The following ATG10 variants were observed in gnomAD, a reference collection of about 807,000 sequenced individuals.
The protein encoded by ATG10 is ubiquitin-like-conjugating enzyme ATG10.
Under a neutral mutation model 32.1 loss-of-function variants are expected in ATG10, and 30 were observed. The observed-to-expected ratio is 0.94, with a 90% CI of 0.70 to 1.27. ATG10 has a LOEUF of 1.27. ATG10 is among the 50% of genes most tolerant of loss of function. The probability of loss-of-function intolerance (pLI) is 0.00; values close to 1 mark genes in which losing one functional copy is unlikely to be tolerated. For missense variants in ATG10, 233 were observed against 262.3 expected (o/e 0.89, Z 0.77); for synonymous variants, 87 against 91.5 (o/e 0.95, Z 0.28).
intron 2 of ATG10, among the ~76,000 whole-genome samples, chr5:82,020,011 A>C (rs1301985696): frequency 6.6e-6 from 1 of 152,212 alleles, no homozygotes; most frequent in Admixed American, 6.5e-5. Context: ...GTCTCCCTGC[A>C]GGCGCCTCTG....
At chr5:82,217,071 G>A (rs867958423) in intron 5 of ATG10, among the ~76,000 whole-genome samples, 2 of 151,084 alleles carry the variant, frequency 1.3e-5, no homozygotes, top group African/African-American at 4.9e-5. Context: ...AAAAAATGAC[G>A]ATGGTAGCAA....
intron 5 of ATG10, among the ~76,000 whole-genome samples, chr5:82,220,849 C>T (rs1745897753): frequency 6.6e-6 from 1 of 151,698 alleles, no homozygotes; most frequent in African/African-American, 2.4e-5. Context: ...GCGACCTCTG[C>T]CTCCTGGATT....
chr5:82,056,521 G>C (rs1181819561), intron 2 of ATG10, among the ~76,000 whole-genome samples: 1 of 147,906 alleles, frequency 6.8e-6, no homozygotes, highest in African/African-American at 2.5e-5. Context: ...ACCAAATCCT[G>C]AATTTCATCC....
In ATG10 at chr5:82,084,081, G is replaced by T. The variant is rs1764581257; in HGVS notation, c.216+25479G>T. 2.0e-5 allele frequency among the ~76,000 whole-genome samples: 3 copies of T among 151,970 alleles called. No homozygotes were observed. The South Asian group carries it at 6.2e-4, about 31-fold the overall frequency. ...CCCATCACAAAGAAGCTAAAAACCT[G>T]GAAAAAAGATTAGACGAATGGCTAA... On this transcript the variant is annotated intron_variant, in intron 3 of 7. Coordinates refer to ENST00000282185, the MANE Select transcript of ATG10 (RefSeq NM_031482.5).
chr5:82,233,423 C>T (rs981873358), intron 5 of ATG10, among the ~76,000 whole-genome samples: 6 of 152,212 alleles, frequency 3.9e-5, no homozygotes, highest in Non-Finnish European at 7.3e-5. Context: ...CTGATTATCC[C>T]AGGAATATAT....
At chr5:82,023,988 C>T (rs539064015) in intron 2 of ATG10, among the ~76,000 whole-genome samples, 5 of 152,276 alleles carry the variant, frequency 3.3e-5, no homozygotes, top group Admixed American at 2.6e-4. Flanking sequence ...AGTGCATGTG[C>T]ATTTAAATGG....
At chr5:81,989,208 G>C (rs145703531) in intron 2 of ATG10, among the ~76,000 whole-genome samples, 2,579 of 152,280 alleles carry the variant, frequency 0.017, 31 homozygotes, top group Middle Eastern at 0.031. Context: ...CATTTTACCC[G>C]GTTCCCGAAA....
At chr5:82,099,891 T>A (rs1159413453) in intron 3 of ATG10, among the ~76,000 whole-genome samples, 4 of 152,012 alleles carry the variant, frequency 2.6e-5, no homozygotes, top group Admixed American at 2.6e-4. Context: ...TTACACTGCT[T>A]TGTCAATCAA....
chr5:82,105,862 T>C (rs1274222389), intron 3 of ATG10, among the ~76,000 whole-genome samples: 1 of 152,144 alleles, frequency 6.6e-6, no homozygotes, highest in African/African-American at 2.4e-5. Context: ...CATGGAGATT[T>C]CTTAAGGAAA....
At chr5:82,165,827 G>T (rs2149902402) in intron 4 of ATG10, among the ~76,000 whole-genome samples, 1 of 152,264 alleles carries the variant, frequency 6.6e-6, no homozygotes, top group African/African-American at 2.4e-5. Context: ...GTCTTTCTTG[G>T]TTCTGGTTTG....
intron 5 of ATG10, among the ~76,000 whole-genome samples, chr5:82,238,828 G>C (rs1355583767): frequency 1.3e-5 from 2 of 152,128 alleles, no homozygotes; most frequent in Non-Finnish European, 2.9e-5. Context: ...GGTAGTATTT[G>C]AGTCCGCTTC....
At chr5:82,141,174 G>T in intron 3 of ATG10, among the ~76,000 whole-genome samples, 1 of 144,964 alleles carries the variant, frequency 6.9e-6, no homozygotes, top group Admixed American at 6.9e-5. Flanking sequence ...ATTGTCCCAT[G>T]ACCCTGCCAA....
chr5:81,979,431 G>C (rs1760969009), intron 1 of ATG10, among the ~76,000 whole-genome samples: 1 of 152,136 alleles, frequency 6.6e-6, no homozygotes. Context: ...GGGAGGCTGA[G>C]GCAGGAGAAT....
rs1304230361 is a variant in ATG10 at position 82,197,706 on chromosome 5, CT to C, written c.453+19122del. On this transcript the variant is annotated intron_variant, in intron 5 of 7. Coordinates refer to ENST00000282185, the MANE Select transcript of ATG10 (RefSeq NM_031482.5). ...CCTTACCTCTCTGTCCCATTATTTT[CT>C]TTCTTTCTTTCTTTCTATCTATCTA... Among the ~76,000 whole-genome samples, 3 of 140,730 alleles carry C rather than the reference CT, an allele frequency of 2.1e-5. No individual in the cohort carries two copies. The East Asian group carries it at 6.3e-4, about 29-fold the overall frequency. 92.3% of individuals were successfully genotyped at this position (140,730 alleles called of 152,430 possible).
intron 3 of ATG10, among the ~76,000 whole-genome samples, chr5:82,138,300 G>A (rs904736527): frequency 2.6e-5 from 4 of 152,194 alleles, no homozygotes; most frequent in African/African-American, 9.7e-5. Context: ...CAGCTACCTT[G>A]GTGTCTGCCC....
chr5:82,121,960 T>A (rs1045140686), intron 3 of ATG10, among the ~76,000 whole-genome samples: 2 of 150,862 alleles, frequency 1.3e-5, no homozygotes, highest in African/African-American at 4.9e-5. Context: ...TTTTTTTTTT[T>A]ATGTCTTTGC....
intron 3 of ATG10, among the ~76,000 whole-genome samples, chr5:82,151,097 C>T (rs1039370006): frequency 7.2e-5 from 11 of 152,192 alleles, no homozygotes; most frequent in East Asian, 1.9e-4. Context: ...TGCATGCCCC[C>T]AGAGGGCTTG....
At chr5:82,129,126 CTTGA>C (rs1368430550) in intron 3 of ATG10, among the ~76,000 whole-genome samples, 1 of 151,550 alleles carries the variant, frequency 6.6e-6, no homozygotes, top group Non-Finnish European at 1.5e-5. Context: ...CTTTCTTCTG[CTTGA>C]TTGATTCAGC....
At chr5:82,185,781 C>G (rs1158222075) in intron 5 of ATG10, among the ~76,000 whole-genome samples, 3 of 152,102 alleles carry the variant, frequency 2.0e-5, no homozygotes, top group Non-Finnish European at 4.4e-5. Context: ...GGCTGATAAA[C>G]TGATGATTTA....
Sources: gnomAD v4.1 joint callset for allele counts (sites outside exome capture counted in the v4.1 genomes callset) on GRCh38, gnomAD v4.1.1 for gene constraint, MANE v1.5 for transcripts, NCBI Gene and HGNC (gene_info 2026-07-23, HGNC 2026-07-21) for gene names.